ABCA13: variants seen among roughly 807,000 people sequenced by gnomAD.
ABCA13 encodes the protein ATP binding cassette subfamily A member 13, also known as ATP-binding cassette sub-family A member 13.
A neutral mutation model predicts 478.7 loss-of-function variants in ABCA13; 476 were observed. That is an observed-to-expected ratio of 0.99 (90% CI 0.92 to 1.07). The LOEUF is 1.07. Ranked by LOEUF, ABCA13 falls within the 50% of genes least tolerant of loss-of-function variation. The probability of loss-of-function intolerance (pLI) is 0.00; values close to 1 mark genes in which losing one functional copy is unlikely to be tolerated. For synonymous variants in ABCA13, 2,252 were observed against 2,158.9 expected, an observed-to-expected ratio of 1.04 and a Z score of -1.20; for missense variants, 6,060 against 5,910.6, an observed-to-expected ratio of 1.03 and a Z score of -0.83.
intron 3 of ABCA13, among the ~76,000 whole-genome samples, chr7:48,218,938 A>G (rs1378506957): frequency 6.6e-6 from 1 of 152,212 alleles, no homozygotes; most frequent in Non-Finnish European, 1.5e-5. Flanking sequence ...AAATAAAGGC[A>G]TGGAATTAAA....
At chr7:48,370,289 T>G (rs1357577711) in intron 32 of ABCA13, among the ~76,000 whole-genome samples, 1 of 152,174 alleles carries the variant, frequency 6.6e-6, no homozygotes, top group Non-Finnish European at 1.5e-5. Flanking sequence ...TAGGAGCTTT[T>G]TGGATGAGTC....
intron 41 of ABCA13, among the ~76,000 whole-genome samples, chr7:48,413,130 T>G (rs1372907489): frequency 6.6e-6 from 1 of 151,818 alleles, no homozygotes; most frequent in Non-Finnish European, 1.5e-5. Flanking sequence ...ATTCTTGTAT[T>G]TGAGAAGCTT....
intron 55 of ABCA13, among the ~76,000 whole-genome samples, chr7:48,551,793 C>T (rs7785069): frequency 0.14 from 21,251 of 151,542 alleles, 2,060 homozygotes; most frequent in African/African-American, 0.23. Flanking sequence ...TCCCTGACTA[C>T]CAGAGAGTAG....
intron 2 of ABCA13, among the ~76,000 whole-genome samples, chr7:48,194,632 T>C (rs1174804942): frequency 6.6e-6 from 1 of 152,148 alleles, no homozygotes; most frequent in Non-Finnish European, 1.5e-5. Context: ...TATAATGTGG[T>C]TGACTCTGTA....
intron 32 of ABCA13, among the ~76,000 whole-genome samples, chr7:48,370,537 T>C (rs1812468077): frequency 6.6e-6 from 1 of 152,078 alleles, no homozygotes; most frequent in African/African-American, 2.4e-5. Flanking sequence ...GTTTGCCATA[T>C]ACGGCTCAGA....
Position 48,387,910 on chromosome 7 carries a change from C to G in ABCA13, c.11424C>G (p.Tyr3808Ter). Reference sequence around the variant, plus strand: ...GTTTCTTGGTGGAGAAAAGGCAATACTTTCTAAGTTCTAGTCTGTTCTTCT... The same window carrying G: ...GTTTCTTGGTGGAGAAAAGGCAATAGTTTCTAAGTTCTAGTCTGTTCTTCT... ...SVGFLVEKRQYFLSSSLFFFN... is the reference protein window; with the variant it reads ...SVGFLVEKRQ The change falls in exon 36 of 62, where the codon TAC becomes TAG. Residue 3808 changes from tyrosine (Y) to a stop codon, truncating the protein, a stop_gained. Transcript: ENST00000435803. LOFTEE classifies it high-confidence loss of function. The G allele has an allele frequency of 1.2e-6, 2 of 1,612,874 alleles. No homozygotes were observed. Among genetic ancestry groups the G allele is most frequent in the Non-Finnish European group, 1.7e-6 (2 of 1,179,402 alleles).
At chr7:48,186,042 T>C (rs1796311875) in intron 1 of ABCA13, among the ~76,000 whole-genome samples, 1 of 152,010 alleles carries the variant, frequency 6.6e-6, no homozygotes, top group African/African-American at 2.4e-5. Flanking sequence ...TTGTTTAATA[T>C]TTACCTACCA....
intron 15 of ABCA13, among the ~76,000 whole-genome samples, chr7:48,265,212 G>A (rs1794713556): frequency 6.6e-6 from 1 of 151,350 alleles, no homozygotes; most frequent in South Asian, 2.1e-4. Flanking sequence ...TTAAATTTAG[G>A]TAGTGTTAGA....
intron 3 of ABCA13, among the ~76,000 whole-genome samples, chr7:48,202,351 A>G (rs2128922189): frequency 6.6e-6 from 1 of 152,290 alleles, no homozygotes; most frequent in East Asian, 1.9e-4. Context: ...TTAGATACAG[A>G]GTATTGACAC....
intron 55 of ABCA13, among the ~76,000 whole-genome samples, chr7:48,561,215 C>T (rs1786424961): frequency 6.6e-6 from 1 of 152,132 alleles, no homozygotes; most frequent in African/African-American, 2.4e-5. Context: ...GGGACTACAG[C>T]TAACTCTTCA....
At chr7:48,429,719 AGTT>A (rs1454343533) in intron 42 of ABCA13, among the ~76,000 whole-genome samples, 2 of 152,234 alleles carry the variant, frequency 1.3e-5, no homozygotes, top group African/African-American at 4.8e-5. Context: ...CCGTTTATGA[AGTT>A]GAAGAAGTTT....
At chr7:48,395,494 T>C (rs1816718573) in intron 38 of ABCA13, among the ~76,000 whole-genome samples, 1 of 152,144 alleles carries the variant, frequency 6.6e-6, no homozygotes, top group Non-Finnish European at 1.5e-5. Flanking sequence ...TTACTTATAT[T>C]CAAATGTTTT....
At chr7:48,315,724 T>G (rs1267063102) in intron 26 of ABCA13, among the ~76,000 whole-genome samples, 2 of 152,104 alleles carry the variant, frequency 1.3e-5, no homozygotes, top group Non-Finnish European at 1.5e-5. Context: ...GTGATCTGCC[T>G]GCCTCGGCCT....
At chr7:48,585,693 AATT>A (rs1257116940) in intron 56 of ABCA13, among the ~76,000 whole-genome samples, 3 of 152,174 alleles carry the variant, frequency 2.0e-5, no homozygotes, top group Non-Finnish European at 4.4e-5. Flanking sequence ...TGGGATGCAC[AATT>A]ATTAACCAAT....
intron 4 of ABCA13, among the ~76,000 whole-genome samples, chr7:48,220,310 A>G (rs1254151795): frequency 6.6e-6 from 1 of 152,208 alleles, no homozygotes; most frequent in African/African-American, 2.4e-5. Context: ...AATTTAAATA[A>G]CAAAAATTTG....
intron 38 of ABCA13, among the ~76,000 whole-genome samples, chr7:48,395,455 G>T (rs960895915): frequency 1.3e-5 from 2 of 152,160 alleles, no homozygotes; most frequent in African/African-American, 4.8e-5. Context: ...GTTGACTCTT[G>T]AACAACACAG....
intron 15 of ABCA13, among the ~76,000 whole-genome samples, chr7:48,257,795 G>T (rs1039832211): frequency 6.6e-6 from 1 of 152,120 alleles, no homozygotes; most frequent in African/African-American, 2.4e-5. Flanking sequence ...GCCAGGGTTT[G>T]GTATCAGGAT....
At chr7:48,374,553 C>A in intron 34 of ABCA13, 137 bp downstream of exon 34, 1 of 779,704 alleles carries the variant, frequency 1.3e-6, no homozygotes, top group Non-Finnish European at 2.0e-6. Context: ...TATTTGCTTT[C>A]ACTGTTGTAT....
chr7:48,484,293 G>A (rs1829073707), intron 47 of ABCA13, among the ~76,000 whole-genome samples: 2 of 152,114 alleles, frequency 1.3e-5, no homozygotes, highest in South Asian at 4.1e-4. Flanking sequence ...GACGATTCAG[G>A]AATCTCTCCA....
Sources: gnomAD v4.1 joint callset for allele counts (sites outside exome capture counted in the v4.1 genomes callset) on GRCh38, gnomAD v4.1.1 for gene constraint, MANE v1.5 for transcripts, NCBI Gene and HGNC (gene_info 2026-07-23, HGNC 2026-07-21) for gene names.